Variants in TNRC18 observed in about 807,000 individuals in gnomAD.
The protein encoded by TNRC18 is trinucleotide repeat containing 18, also known as trinucleotide repeat-containing gene 18 protein.
A neutral mutation model predicts 226.7 loss-of-function variants in TNRC18; 69 were observed. The ratio of observed to expected loss-of-function variants is 0.30; its 90% CI spans 0.25 to 0.37. The LOEUF (loss-of-function observed/expected upper bound fraction) is 0.37, where lower values mean the gene tolerates loss of function less well. Ranked by LOEUF, TNRC18 falls within the 10% of genes least tolerant of loss-of-function variation. The pLI, the probability that TNRC18 is intolerant of heterozygous loss-of-function variation, is 1.00. For missense variants in TNRC18, 4,754 were observed against 4,256.6 expected (o/e 1.12, Z -3.25); for synonymous variants, 2,449 against 1,927.6 (o/e 1.27, Z -7.09).
At position 5,312,362 on chromosome 7, in the gene TNRC18, T is replaced by G. The variant is rs1213776341; in HGVS notation, c.8388+141A>C. On this transcript the variant is annotated intron_variant, in intron 27 of 29. Coordinates refer to ENST00000430969, the MANE Select transcript of TNRC18 (RefSeq NM_001080495.3). This position sits in a 1 kb window ranked among gnomAD's most constrained non-coding sequence, Gnocchi z 6.3. The stretch of plus-strand genomic sequence containing the variant: ...GACACTCTGAGACTCAGTGTACCCA[T>G]CCATAAAGTGGGACGCCAGCCCTCC... The G allele has an allele frequency of 8.1e-7, 1 of 1,233,626 alleles. No homozygotes were observed. The highest frequency in any genetic ancestry group is 1.1e-6 in the Non-Finnish European group (1 of 914,816). 76.4% of individuals were successfully genotyped at this position (1,233,626 alleles called of 1,614,324 possible). A position where few individuals can be genotyped will look rare whatever the true frequency, so the allele number is the denominator to read the frequency against.
rs1432877216 is a variant in TNRC18 at position 5,421,227 on chromosome 7, C to A, written c.20G>T (p.Gly7Val). 6.1e-6 allele frequency: 8 copies of A among 1,309,056 alleles called. No individual in the cohort carries two copies. In the South Asian group the frequency reaches 1.5e-4, roughly 25 times the overall value. The allele number at this position is 1,309,056 out of a possible 1,614,324, so 81.1% of individuals were successfully genotyped here. A position where few individuals can be genotyped will look rare whatever the true frequency, so the allele number is the denominator to read the frequency against. Reference sequence around the variant, plus strand: ...GGGACCGTGCACGGACCGCTGGGGCCCGAAGTCTCGGCCATCCATCCTCCG... The same window carrying A: ...GGGACCGTGCACGGACCGCTGGGGCACGAAGTCTCGGCCATCCATCCTCCG... MDGRDF[G>V]PQRSVHGPPP... is the part of the protein sequence containing the mutation. The change falls in exon 2 of 30, where the codon GGG becomes GTG. Residue 7 changes from glycine to valine, a missense_variant. Coordinates refer to ENST00000430969, the MANE Select transcript of TNRC18 (RefSeq NM_001080495.3).
At position 5,340,730 on chromosome 7, in the gene TNRC18, G is replaced by A. The variant is rs1310030145; in HGVS notation, c.5719+4832C>T. On this transcript the variant is annotated intron_variant, in intron 18 of 29. Transcript: ENST00000430969. The stretch of plus-strand genomic sequence containing the variant: ...TACATTCCAGCCTGGGCAACAGAGT[G>A]AGACTCCATCTCAGAGAAAAAAAAA... Among the ~76,000 whole-genome samples, 12 of 140,320 alleles carry A rather than the reference G, an allele frequency of 8.6e-5. No individual in the cohort carries two copies. The East Asian group carries it at 2.3e-3, about 27-fold the overall frequency. 92.1% of individuals were successfully genotyped at this position (140,320 alleles called of 152,430 possible).
chr7:5,321,642 T>TATTC (rs1172711006), intron 21 of TNRC18, among the ~76,000 whole-genome samples: 24 of 51,974 alleles, frequency 4.6e-4, no homozygotes, highest in African/African-American at 1.4e-3. Flanking sequence ...TCTAGGACTT[T>TATTC]ATTTATTTAT....
rs573392837 is a variant in TNRC18 at position 5,398,785 on chromosome 7, T to G, written c.188-4190A>C. 2.2e-4 allele frequency among the ~76,000 whole-genome samples: 33 copies of G among 150,588 alleles called. 1 individual carries two copies. The highest frequency in any genetic ancestry group is 5.3e-4 in the Admixed American group (8 of 14,980). On this transcript the variant is annotated intron_variant, in intron 2 of 29. Transcript: ENST00000430969. ...GGCACACACCATCACACCCCACTAA[T>G]TTTTTTCTTTCTCTTTTTTGTAGAG... is the stretch of plus-strand genomic sequence containing the variant.
rs1343926378 is a variant in TNRC18, at chr7:5,309,358, A to G, written c.8399T>C (p.Met2800Thr). The G allele has an allele frequency of 5.0e-6, 8 of 1,612,084 alleles. No homozygotes were observed. The highest frequency in any genetic ancestry group is 2.2e-5 in the East Asian group (1 of 44,828). Residue 2800 changes from methionine (M) to threonine (T), a missense_variant, in exon 28 of 30, where the codon ATG becomes ACG. Transcript: ENST00000430969. The surrounding 1 kb of genome is among the most constrained non-coding windows in gnomAD (Gnocchi z 5.7). ...GAAGAGCTTGCGGGCCTTGCCCTTC[A>G]TGCCACGCCGCTGCAAGGACACGTG... ...WFGKPTQRRGMKGKARKLFYK... is the reference protein window; with the variant it reads ...WFGKPTQRRGTKGKARKLFYK...
chr7:5,382,150 G>A (rs1779439776), intron 5 of TNRC18, among the ~76,000 whole-genome samples: 1 of 152,126 alleles, frequency 6.6e-6, no homozygotes, highest in African/African-American at 2.4e-5. Context: ...GGAAACTGAG[G>A]CACAGGGAGA....
chr7:5,420,082 G>C (rs1214286613), intron 2 of TNRC18: 1 of 275,092 alleles, frequency 3.6e-6, no homozygotes, highest in African/African-American at 2.4e-5. Flanking sequence ...CCGCCGGGCA[G>C]GTCTGGAGGT....
intron 26 of TNRC18, among the ~76,000 whole-genome samples, chr7:5,314,085 A>C (rs1412611417): frequency 2.6e-5 from 4 of 151,934 alleles, no homozygotes; most frequent in Admixed American, 2.0e-4. Flanking sequence ...CAGTCTCCCA[A>C]GTAACCTGAG....
intron 2 of TNRC18, among the ~76,000 whole-genome samples, chr7:5,406,567 G>C (rs1781479080): frequency 6.6e-6 from 1 of 151,218 alleles, no homozygotes; most frequent in Admixed American, 6.6e-5. Flanking sequence ...GCAGTAAGTA[G>C]AGGCCGGGCC....
intron 3 of TNRC18, among the ~76,000 whole-genome samples, chr7:5,391,855 T>A (rs1780327077): frequency 7.7e-6 from 1 of 130,372 alleles, no homozygotes; most frequent in Non-Finnish European, 1.7e-5. Flanking sequence ...AAAAAAAAAT[T>A]TAAATAGTTT....
intron 24 of TNRC18, among the ~76,000 whole-genome samples, chr7:5,316,609 G>A (rs1787876394): frequency 6.6e-6 from 1 of 152,106 alleles, no homozygotes; most frequent in Non-Finnish European, 1.5e-5. Context: ...GACTTTGGGT[G>A]ACACAAGACA....
rs377319881 is a variant in TNRC18, at chr7:5,420,311, G to A, written c.187+749C>T. 1.8e-3 allele frequency: 824 copies of A among 449,816 alleles called. 11 individuals are homozygous for A. The highest frequency in any genetic ancestry group is 0.013 in the South Asian group (803 of 63,876). 27.9% of individuals were successfully genotyped at this position (449,816 alleles called of 1,614,324 possible). A position where few individuals can be genotyped will look rare whatever the true frequency, so the allele number is the denominator to read the frequency against. On this transcript the variant is annotated intron_variant, in intron 2 of 29. Coordinates refer to ENST00000430969, the MANE Select transcript of TNRC18 (RefSeq NM_001080495.3). Reference sequence around the variant, plus strand: ...CCCCTCCGCCGCCTGGGCCCTGCCCGACCCGCTCTCTTCTTTCCCCCTAGG... The same window carrying A: ...CCCCTCCGCCGCCTGGGCCCTGCCCAACCCGCTCTCTTCTTTCCCCCTAGG...
intron 3 of TNRC18, 95 bp from the exon 4 acceptor site, chr7:5,390,723 G>C (rs888426287): frequency 8.6e-6 from 12 of 1,390,756 alleles, no homozygotes; most frequent in Non-Finnish European, 1.9e-6. Flanking sequence ...TTTGGCAGCC[G>C]ACCGCTGGTA....
In TNRC18 at chr7:5,377,903, G is replaced by A; in HGVS notation, c.2255+19C>T. ...TCCTAGATACCCCCTAGACCCTCAG[G>A]ATCCCCCGACACCCTCACCTGAGCA... On this transcript the variant is annotated intron_variant, in intron 6 of 29. Coordinates refer to ENST00000430969, the MANE Select transcript of TNRC18 (RefSeq NM_001080495.3). The surrounding 1 kb of genome is among the most constrained non-coding windows in gnomAD (Gnocchi z 5.8). 5.6e-6 allele frequency: 9 copies of A among 1,611,602 alleles called. No homozygotes were observed. The highest frequency in any genetic ancestry group is 7.6e-6 in the Non-Finnish European group (9 of 1,178,310).
chr7:5,347,677 G>A (rs1301179047), intron 17 of TNRC18, among the ~76,000 whole-genome samples: 1 of 148,992 alleles, frequency 6.7e-6, no homozygotes, highest in Non-Finnish European at 1.5e-5. Flanking sequence ...AAATAAATAG[G>A]CCAGCGCAGT....
chr7:5,358,469 T>C (rs1319170181), intron 15 of TNRC18, among the ~76,000 whole-genome samples: 1 of 152,192 alleles, frequency 6.6e-6, no homozygotes, highest in East Asian at 1.9e-4. Flanking sequence ...ATCTTTCTTC[T>C]CTTAGACCCC....
At chr7:5,412,174 G>T (rs1000224058) in intron 2 of TNRC18, among the ~76,000 whole-genome samples, 1 of 148,290 alleles carries the variant, frequency 6.7e-6, no homozygotes, top group Non-Finnish European at 1.5e-5. Flanking sequence ...GCGTAACAGA[G>T]CGAGACCCAG....
Position 5,315,019 on chromosome 7 carries a change from C to T in TNRC18, c.6992G>A (p.Gly2331Glu), listed in dbSNP as rs1441875575. Residue 2331 changes from glycine to glutamate, a missense_variant, in exon 26 of 30, where the codon GGG (glycine) becomes GAG (glutamate). Gly to Glu is a moderately conservative substitution (Grantham distance 98). Coordinates refer to ENST00000430969, the MANE Select transcript of TNRC18 (RefSeq NM_001080495.3). ...GSEEPGAKAR[G>E]RGRKPSAKAK... ...CTTGGCGCTGGGTTTCCGCCCACGC[C>T]CACGGGCCTTGGCTCCTGGCTCCTC... 6.2e-7 allele frequency: 1 copy of T among 1,608,486 alleles called. No individual in the cohort carries two copies. Among genetic ancestry groups the T allele is most frequent in the Non-Finnish European group, 8.5e-7 (1 of 1,178,108 alleles).
intron 3 of TNRC18, among the ~76,000 whole-genome samples, chr7:5,392,057 T>C (rs1780341423): frequency 6.6e-6 from 1 of 151,964 alleles, no homozygotes; most frequent in African/African-American, 2.4e-5. Flanking sequence ...GACCTGTCCC[T>C]GGTCCACTGG....
Sources: gnomAD v4.1 joint callset for allele counts (sites outside exome capture counted in the v4.1 genomes callset) on GRCh38, gnomAD v4.1.1 for gene constraint, Gnocchi (gnomAD v3.1) non-coding constraint, MANE v1.5 for transcripts, NCBI Gene and HGNC (gene_info 2026-07-23, HGNC 2026-07-21) for gene names.